Variants in DPP10 observed in about 807,000 individuals in gnomAD.
DPP10 encodes the protein inactive dipeptidyl peptidase 10.
In DPP10, 33 loss-of-function variants were observed where a neutral mutation model predicts 120.9. The observed-to-expected ratio is 0.27, with a 90% CI of 0.21 to 0.37. DPP10 has a LOEUF of 0.37. Ranked by LOEUF, DPP10 falls within the 10% of genes least tolerant of loss-of-function variation. The probability of loss-of-function intolerance (pLI) is 1.00; values close to 1 mark genes in which losing one functional copy is unlikely to be tolerated. For synonymous variants in DPP10, 337 were observed against 326.1 expected (o/e 1.03, Z -0.36); for missense variants, 816 against 942.8 (o/e 0.87, Z 1.76).
chr2:115,758,187 A>G (rs1679662607), intron 11 of DPP10, among the ~76,000 whole-genome samples: 1 of 152,180 alleles, frequency 6.6e-6, no homozygotes, highest in African/African-American at 2.4e-5. Flanking sequence ...GGGGTAAAAT[A>G]TAAACAAGTG....
intron 1 of DPP10, among the ~76,000 whole-genome samples, chr2:115,007,239 C>T (rs888987689): frequency 6.6e-6 from 1 of 152,168 alleles, no homozygotes; most frequent in Non-Finnish European, 1.5e-5. Context: ...ATCAAGTGGG[C>T]TTCATCCCTG....
intron 3 of DPP10, among the ~76,000 whole-genome samples, chr2:115,423,048 A>T (rs893181675): frequency 1.3e-5 from 2 of 152,138 alleles, no homozygotes; most frequent in African/African-American, 4.8e-5. Flanking sequence ...TCTAGTGGCA[A>T]CATTGAAAAA....
In DPP10 at chr2:115,209,890, A is replaced by G. The variant is rs146958093; in HGVS notation, c.61-99349A>G. ...CAAAGATGTGAAACACTTCATTTCT[A>G]TAATATCTTAAGTAGGCCAGGTTCA... is the stretch of plus-strand genomic sequence containing the variant. On this transcript the variant is annotated intron_variant, in intron 1 of 25. Transcript: ENST00000410059. 1.1e-3 allele frequency among the ~76,000 whole-genome samples: 175 copies of G among 152,260 alleles called. 1 individual carries two copies. In the Middle Eastern group the frequency reaches 0.017, roughly 15 times the overall value.
intron 5 of DPP10, among the ~76,000 whole-genome samples, chr2:115,529,083 T>G (rs187335997): frequency 6.6e-6 from 1 of 152,082 alleles, no homozygotes; most frequent in East Asian, 1.9e-4. Context: ...TATAATGGCA[T>G]GTAAAAATAA....
At chr2:115,472,916 G>A (rs1456294221) in intron 3 of DPP10, among the ~76,000 whole-genome samples, 4 of 152,170 alleles carry the variant, frequency 2.6e-5, no homozygotes, top group African/African-American at 9.6e-5. Context: ...TTGCCTGTTA[G>A]ACTTCTGAGC....
intron 2 of DPP10, among the ~76,000 whole-genome samples, chr2:115,317,501 G>C (rs753549711): frequency 6.6e-6 from 1 of 152,136 alleles, no homozygotes; most frequent in South Asian, 2.1e-4. Flanking sequence ...GGAATTGCTA[G>C]ATCCTATGGT....
intron 1 of DPP10, among the ~76,000 whole-genome samples, chr2:115,272,863 C>A (rs539232806): frequency 6.6e-6 from 1 of 152,206 alleles, no homozygotes; most frequent in Middle Eastern, 3.2e-3. Context: ...TGTTCCGTTT[C>A]TTTTCCTCAG....
chr2:115,186,821 G>A (rs1013606818), intron 1 of DPP10, among the ~76,000 whole-genome samples: 1 of 152,050 alleles, frequency 6.6e-6, no homozygotes, highest in African/African-American at 2.4e-5. Flanking sequence ...GACAGTTGGA[G>A]AGTTTTAAGT....
chr2:115,070,113 C>A (rs1048018389), intron 1 of DPP10, among the ~76,000 whole-genome samples: 1 of 152,014 alleles, frequency 6.6e-6, no homozygotes, highest in African/African-American at 2.4e-5. Context: ...ACAATGCAAC[C>A]CCTCAGGCTC....
chr2:115,520,599 A>T (rs1215609111), intron 4 of DPP10, among the ~76,000 whole-genome samples: 1 of 152,060 alleles, frequency 6.6e-6, no homozygotes, highest in Non-Finnish European at 1.5e-5. Context: ...ACACATCCCT[A>T]CTACACAGTT....
At chr2:115,085,732 T>C (rs1219863663) in intron 1 of DPP10, among the ~76,000 whole-genome samples, 4 of 152,212 alleles carry the variant, frequency 2.6e-5, no homozygotes, top group Non-Finnish European at 4.4e-5. Context: ...AGTCCTATTA[T>C]AGTGCTGTTT....
chr2:115,764,556 C>A (rs1393020858), intron 12 of DPP10, among the ~76,000 whole-genome samples: 6 of 152,124 alleles, frequency 3.9e-5, no homozygotes, highest in Admixed American at 3.3e-4. Context: ...TATTAAACAT[C>A]TTTTGCTATT....
intron 21 of DPP10, among the ~76,000 whole-genome samples, chr2:115,824,108 A>G (rs1688070362): frequency 6.6e-6 from 1 of 152,168 alleles, no homozygotes; most frequent in Non-Finnish European, 1.5e-5. Context: ...AGCAAAAACT[A>G]AACTTACACT....
At chr2:115,489,372 A>G in intron 3 of DPP10, among the ~76,000 whole-genome samples, 1 of 152,046 alleles carries the variant, frequency 6.6e-6, no homozygotes, top group East Asian at 1.9e-4. Flanking sequence ...CTTGGCCAAG[A>G]GGACCCCAGA....
At chr2:114,714,071 T>TTGTGTG (rs59076753) in intron 1 of DPP10, among the ~76,000 whole-genome samples, 123 of 147,430 alleles carry the variant, frequency 8.3e-4, no homozygotes, top group African/African-American at 1.9e-3. Context: ...GGATTTGTGT[T>TTGTGTG]TGTGTGTGTG....
At chr2:115,384,707 A>AAAAGAAGAAGAAG (rs2066778073) in intron 3 of DPP10, among the ~76,000 whole-genome samples, 1 of 148,434 alleles carries the variant, frequency 6.7e-6, no homozygotes, top group African/African-American at 2.5e-5. Context: ...AAGAAAGAAG[A>AAAAGAAGAAGAAG]AAGAAGAAGA....
intron 1 of DPP10, among the ~76,000 whole-genome samples, chr2:114,803,692 G>T (rs1186131092): frequency 6.6e-6 from 1 of 152,174 alleles, no homozygotes; most frequent in East Asian, 1.9e-4. Context: ...ATGATTTAGG[G>T]CATCTGGCTG....
chr2:115,814,430 A>C (rs1196779892), intron 19 of DPP10, among the ~76,000 whole-genome samples: 1 of 152,176 alleles, frequency 6.6e-6, no homozygotes, highest in Non-Finnish European at 1.5e-5. Flanking sequence ...CTATGGAAGA[A>C]ATCCAGTAAA....
intron 1 of DPP10, among the ~76,000 whole-genome samples, chr2:114,533,904 T>C (rs1686263123): frequency 6.6e-6 from 1 of 152,214 alleles, no homozygotes; most frequent in East Asian, 1.9e-4. Flanking sequence ...CTAGGTCCTT[T>C]ACATCTAAAA....
Sources: allele counts gnomAD v4.1 joint callset (sites outside exome capture counted in the v4.1 genomes callset), GRCh38; gene constraint gnomAD v4.1.1; transcripts MANE v1.5; gene names NCBI Gene and HGNC (gene_info 2026-07-23, HGNC 2026-07-21).